Variants in ATN1 observed in about 807,000 individuals in gnomAD.
ATN1 encodes atrophin-1.
In ATN1, 19 loss-of-function variants were observed where a neutral mutation model predicts 85.8. That is an observed-to-expected ratio of 0.22 (90% CI 0.15 to 0.32). ATN1 has a LOEUF of 0.32. Among genes scored for constraint, ATN1 ranks in the 10% least tolerant of loss-of-function variants. The pLI is 1.00. For synonymous variants in ATN1, 674 were observed against 657.0 expected (o/e 1.03, Z -0.39); for missense variants, 1,453 against 1,564.5 (o/e 0.93, Z 1.20).
chr12:6,933,915 C>T lies in ATN1; in HGVS notation c.-87C>T. On this transcript the variant is annotated 5_prime_UTR_variant, in exon 2 of 10. Coordinates refer to ENST00000396684, the MANE Select transcript of ATN1 (RefSeq NM_001940.4). ...CTTGGAGATCCTGCTTCCCAGACCA[C>T]AGCTGTGGGGAACTTGGGGTGGAGC... is the stretch of plus-strand genomic sequence containing the variant. The T allele has an allele frequency of 3.3e-6, 5 of 1,520,832 alleles. No individual in the cohort carries two copies. The highest frequency in any genetic ancestry group is 4.5e-6 in the Non-Finnish European group (5 of 1,116,938). 94.2% of individuals were successfully genotyped at this position (1,520,832 alleles called of 1,614,324 possible).
chr12:6,924,679 C>T (rs1307538845), upstream of ATN1: 1 of 152,530 alleles, frequency 6.6e-6, no homozygotes. Context: ...CAAAGAGCCT[C>T]ATGCCCCCTT....
In ATN1 at chr12:6,941,358, C is replaced by A; in HGVS notation, c.3359-16C>A. 1 of 1,583,572 alleles carries A rather than the reference C, an allele frequency of 6.3e-7. No homozygotes were observed. Among genetic ancestry groups the A allele is most frequent in the Non-Finnish European group, 8.6e-7 (1 of 1,164,830 alleles). On this transcript the variant is annotated splice_polypyrimidine_tract_variant and intron_variant, in intron 8 of 9. Coordinates refer to ENST00000396684, the MANE Select transcript of ATN1 (RefSeq NM_001940.4). This position sits in a 1 kb window ranked among gnomAD's most constrained non-coding sequence, Gnocchi z 5.9. ...TTATCCGTTGGTCATATGCCCCTTG[C>A]CCTTCCTGCTCACAGCTGCCCCTTA...
At chr12:6,926,219 A>C, upstream of ATN1, among the ~76,000 whole-genome samples, 1 of 152,124 alleles carries the variant, frequency 6.6e-6, no homozygotes, top group East Asian at 1.9e-4. Context: ...ATTGAGCAAC[A>C]AGGATACCCA....
upstream of ATN1, among the ~76,000 whole-genome samples, chr12:6,926,479 TTC>T (rs1221023537): frequency 4.4e-5 from 6 of 137,218 alleles, no homozygotes; most frequent in African/African-American, 1.7e-4. Context: ...TCTCCATTTT[TTC>T]TTTTTTTTTT....
Position 6,933,942 on chromosome 12 carries a change from G to C in ATN1, c.-60G>C, listed in dbSNP as rs1945497037. ...GCTGTGGGGAACTTGGGGTGGAGCA[G>C]AGAAGTTTCTGTATTCAGCTGCCCA... is the stretch of plus-strand genomic sequence containing the variant. On this transcript the variant is annotated 5_prime_UTR_variant, in exon 2 of 10. Transcript: ENST00000396684. The C allele has an allele frequency of 1.3e-6, 2 of 1,569,200 alleles. No homozygotes were observed. The highest frequency in any genetic ancestry group is 1.7e-6 in the Non-Finnish European group (2 of 1,155,748).
At position 6,937,556 on chromosome 12, in the gene ATN1, T is replaced by A. The variant is rs782143871; in HGVS notation, c.2289T>A (p.Ser763=). The change falls in exon 5 of 10, where the codon TCT becomes TCA. Residue 763 remains serine (S), a synonymous_variant. Coordinates refer to ENST00000396684, the MANE Select transcript of ATN1 (RefSeq NM_001940.4). The surrounding 1 kb of genome is among the most constrained non-coding windows in gnomAD (Gnocchi z 6.0). ...VVDVPSHASQ[S]ARFNKHLDRG... is the part of the protein sequence containing the mutation. ...ATGTACCCAGCCATGCCAGTCAGTCTGCCAGGTGAGCGGCCAGGTGGGGCG... is the reference window on the plus strand; with the variant it reads ...ATGTACCCAGCCATGCCAGTCAGTCAGCCAGGTGAGCGGCCAGGTGGGGCG... 2.0e-4 allele frequency: 299 copies of A among 1,498,628 alleles called. 1 individual carries two copies. The highest frequency in any genetic ancestry group is 3.5e-4 in the Middle Eastern group (2 of 5,694). 92.8% of individuals were successfully genotyped at this position (1,498,628 alleles called of 1,614,324 possible).
At chr12:6,928,600 A>C (rs1945426300) in intron 1 of ATN1, among the ~76,000 whole-genome samples, 1 of 151,976 alleles carries the variant, frequency 6.6e-6, no homozygotes, top group Non-Finnish European at 1.5e-5. Context: ...GTCGGGGGCC[A>C]GGGTTTCGGG....
Position 6,938,853 on chromosome 12 carries a change from C to G in ATN1, c.2890C>G (p.Pro964Ala), listed in dbSNP as rs375153913. Residue 964 changes from proline to alanine, a missense_variant, in exon 7 of 10, where the codon CCT becomes GCT. Pro to Ala is a conservative substitution (Grantham distance 27). Coordinates refer to ENST00000396684, the MANE Select transcript of ATN1 (RefSeq NM_001940.4). ...TGAGCTGGAACCCCTACATGGGGTC[C>G]CTGGGCCGGGCTTGGATCCCTTTCC... ...PSELEPLHGV[P>A]GPGLDPFPRH... 6.8e-6 allele frequency: 11 copies of G among 1,614,034 alleles called. No individual in the cohort carries two copies. Among genetic ancestry groups the G allele is most frequent in the South Asian group, 5.5e-5 (5 of 91,090 alleles).
chr12:6,926,363 G>T (rs1314704363), upstream of ATN1, among the ~76,000 whole-genome samples: 1 of 151,978 alleles, frequency 6.6e-6, no homozygotes, highest in East Asian at 1.9e-4. Flanking sequence ...TGAGGATGGT[G>T]TCTCACTCCT....
At chr12:6,940,850 G>A in intron 7 of ATN1, 30 bp from the exon 8 acceptor site, 1 of 1,613,966 alleles carries the variant, frequency 6.2e-7, no homozygotes, top group Non-Finnish European at 8.5e-7. Flanking sequence ...CCTGCCTTCT[G>A]GTGACACCTT....
chr12:6,934,283 C>T lies in ATN1; in HGVS notation c.135C>T (p.Gly45=). 2 of 1,573,666 alleles carry T rather than the reference C, an allele frequency of 1.3e-6. No homozygotes were observed. The highest frequency in any genetic ancestry group is 1.7e-6 in the Non-Finnish European group (2 of 1,167,192). The change falls in exon 3 of 10, where the codon GGC becomes GGT. Residue 45 remains glycine (G), a synonymous_variant. Transcript: ENST00000396684. This position sits in a 1 kb window ranked among gnomAD's most constrained non-coding sequence, Gnocchi z 4.5. ...GGGTCAGCACGTCCAGCAGTGATGGCAAAGCTGAGAAGTCCAGGCAGACAG... is the reference window on the plus strand; with the variant it reads ...GGGTCAGCACGTCCAGCAGTGATGGTAAAGCTGAGAAGTCCAGGCAGACAG... The part of the protein sequence containing the change: ...PGGVSTSSSD[G]KAEKSRQTAK...
rs782503458 is a variant in ATN1 at position 6,938,701 on chromosome 12, C to T, written c.2738C>T (p.Pro913Leu). The change falls in exon 7 of 10, where the codon CCG (proline) becomes CTG (leucine). Residue 913 changes from proline (P) to leucine (L), a missense_variant. Coordinates refer to ENST00000396684, the MANE Select transcript of ATN1 (RefSeq NM_001940.4). ...PFYVPLGAVD[P>L]GLLGYNVPAL... is the part of the protein sequence containing the mutation. ...TACGTGCCCCTGGGGGCAGTGGACC[C>T]GGGGCTCCTGGGTTACAATGTCCCG... 5.6e-6 allele frequency: 9 copies of T among 1,613,948 alleles called. No homozygotes were observed. The highest frequency in any genetic ancestry group is 1.1e-5 in the South Asian group (1 of 91,094).
upstream of ATN1, among the ~76,000 whole-genome samples, chr12:6,924,901 C>T (rs1254055445): frequency 6.6e-6 from 1 of 152,152 alleles, no homozygotes; most frequent in Non-Finnish European, 1.5e-5. Context: ...TCCTTTCTTT[C>T]ATCCCTCCTC....
At chr12:6,940,394 G>A (rs1295769695) in intron 7 of ATN1, among the ~76,000 whole-genome samples, 3 of 151,308 alleles carry the variant, frequency 2.0e-5, no homozygotes, top group African/African-American at 7.3e-5. Flanking sequence ...GCCTCCCGAG[G>A]AGCTGGGACT....
intron 1 of ATN1, among the ~76,000 whole-genome samples, chr12:6,930,399 C>T (rs1283213349): frequency 1.3e-5 from 2 of 152,156 alleles, no homozygotes; most frequent in Admixed American, 6.5e-5. Flanking sequence ...TTCTGACATC[C>T]CATATTTCTC....
At position 6,938,689 on chromosome 12, in the gene ATN1, G is replaced by C. The variant is rs782040922; in HGVS notation, c.2726G>C (p.Gly909Ala). 14 of 1,614,042 alleles carry C rather than the reference G, an allele frequency of 8.7e-6. No individual in the cohort carries two copies. Among genetic ancestry groups the C allele is most frequent in the Non-Finnish European group, 1.1e-5 (13 of 1,180,044 alleles). ...AACCATCCATTCTACGTGCCCCTGG[G>C]GGCAGTGGACCCGGGGCTCCTGGGT... Reference protein sequence around the residue: ...NRNHPFYVPLGAVDPGLLGYN... With the variant: ...NRNHPFYVPLAAVDPGLLGYN... Residue 909 changes from glycine (G) to alanine (A), a missense_variant, in exon 7 of 10, where the codon GGG becomes GCG. By Grantham distance (60) the Gly-to-Ala change is moderately conservative (BLOSUM62 0). Transcript: ENST00000396684.
intron 7 of ATN1, among the ~76,000 whole-genome samples, 156 bp downstream of exon 7, chr12:6,939,333 T>TC (rs1169028038): frequency 6.6e-6 from 1 of 152,216 alleles, no homozygotes; most frequent in Non-Finnish European, 1.5e-5. Flanking sequence ...TGACGTTCTC[T>TC]CAGCCTTGTC....
chr12:6,931,949 C>T (rs188376522), intron 1 of ATN1, among the ~76,000 whole-genome samples: 242 of 142,916 alleles, frequency 1.7e-3, no homozygotes, highest in African/African-American at 4.5e-3. Context: ...GCAGGAGAAT[C>T]GCTTGAACCT....
chr12:6,941,477 G>C lies in ATN1; in HGVS notation c.3462G>C (p.Ala1154=), dbSNP rs782532608. The C allele has an allele frequency of 6.2e-7, 1 of 1,612,824 alleles. No individual in the cohort carries two copies. Among genetic ancestry groups the C allele is most frequent in the East Asian group, 2.2e-5 (1 of 44,886 alleles). Residue 1154 remains alanine (A), a synonymous_variant, in exon 9 of 10, where the codon GCG becomes GCC. Transcript: ENST00000396684. The surrounding 1 kb of genome is among the most constrained non-coding windows in gnomAD (Gnocchi z 5.9). ...HAQSAELQRL[A]LEQQQWLHAH... Reference sequence around the variant, plus strand: ...AGTCAGCTGAGCTGCAGCGCTTGGCGCTGGAACAGCAGCAGTGGCTGCATG... The same window carrying C: ...AGTCAGCTGAGCTGCAGCGCTTGGCCCTGGAACAGCAGCAGTGGCTGCATG...
Sources: allele counts gnomAD v4.1 joint callset (sites outside exome capture counted in the v4.1 genomes callset), GRCh38; gene constraint gnomAD v4.1.1; non-coding constraint Gnocchi (gnomAD v3.1); transcripts MANE v1.5; gene names NCBI Gene and HGNC (gene_info 2026-07-23, HGNC 2026-07-21).